FARSB: variants seen among roughly 807,000 people sequenced by gnomAD.
FARSB encodes the protein phenylalanine--tRNA ligase beta subunit.
FARSB carries 40 observed loss-of-function variants against 69.6 expected under a neutral mutation model. The observed-to-expected ratio is 0.57, with a 90% CI of 0.45 to 0.75. FARSB has a LOEUF of 0.75. FARSB is among the 30% of genes least tolerant of loss of function. The pLI, the probability that FARSB is intolerant of heterozygous loss-of-function variation, is 0.00. For missense variants in FARSB, 632 were observed against 722.9 expected (o/e 0.87, Z 1.44); for synonymous variants, 235 against 247.2 (o/e 0.95, Z 0.46).
chr2:222,588,311 C>T (rs548827419), intron 16 of FARSB, among the ~76,000 whole-genome samples: 239 of 152,254 alleles, frequency 1.6e-3, no homozygotes, highest in African/African-American at 5.0e-3. Context: ...AATTTAACAG[C>T]GCTTCATGCT....
At chr2:222,611,446 G>T (rs1234779837) in intron 15 of FARSB, among the ~76,000 whole-genome samples, 3 of 136,066 alleles carry the variant, frequency 2.2e-5, no homozygotes, top group African/African-American at 5.3e-5. Context: ...TTTTTGGGGG[G>T]GCGGGGGGGC....
At chr2:222,637,502 T>A (rs190346660) in intron 5 of FARSB, among the ~76,000 whole-genome samples, 4 of 152,148 alleles carry the variant, frequency 2.6e-5, no homozygotes, top group Admixed American at 1.3e-4. Flanking sequence ...AGGAAAGAAT[T>A]ACTCAACGGA....
chr2:222,602,457 G>T (rs1027847254), intron 15 of FARSB, among the ~76,000 whole-genome samples: 2 of 151,882 alleles, frequency 1.3e-5, no homozygotes, highest in Non-Finnish European at 2.9e-5. Context: ...TACATCTACA[G>T]CAATTAAAAC....
Position 222,650,517 on chromosome 2 carries a change from G to A in FARSB, c.59-1722C>T, listed in dbSNP as rs991238390. On this transcript the variant is annotated intron_variant, in intron 1 of 16. Coordinates refer to ENST00000281828, the MANE Select transcript of FARSB (RefSeq NM_005687.5). ...GTGGAATGTATAAGGCTCGATGGCC[G>A]AATGATGGGAGGTAGGAATAGGGAG... Among the ~76,000 whole-genome samples, 9 of 152,318 alleles carry A rather than the reference G, an allele frequency of 5.9e-5. No homozygotes were observed. In the South Asian group the frequency reaches 6.2e-4, roughly 11 times the overall value.
At chr2:222,605,647 G>C (rs1690686040) in intron 15 of FARSB, among the ~76,000 whole-genome samples, 2 of 152,204 alleles carry the variant, frequency 1.3e-5, no homozygotes, top group African/African-American at 4.8e-5. Context: ...GCCAGGCACA[G>C]TGGCTCAGGC....
At chr2:222,647,913 G>T (rs2106244036) in intron 2 of FARSB, among the ~76,000 whole-genome samples, 1 of 152,244 alleles carries the variant, frequency 6.6e-6, no homozygotes, top group African/African-American at 2.4e-5. Context: ...TCACCTGGAG[G>T]GCTTGGTAAA....
At chr2:222,632,023 G>GATGGTGCAATGGCACGAC (rs536299664) in intron 7 of FARSB, among the ~76,000 whole-genome samples, 6,241 of 151,020 alleles carry the variant, frequency 0.041, 276 homozygotes, top group African/African-American at 0.1. Flanking sequence ...GGTGAGCCGA[G>GATGGTGCAATGGCACGAC]ATGGTGCAAT....
intron 16 of FARSB, among the ~76,000 whole-genome samples, chr2:222,584,677 C>T (rs949264342): frequency 1.8e-4 from 27 of 152,216 alleles, no homozygotes; most frequent in African/African-American, 6.5e-4. Flanking sequence ...TAGCAAACAG[C>T]ACACCAGGAG....
At chr2:222,625,288 A>G (rs1559207971) in intron 10 of FARSB, among the ~76,000 whole-genome samples, 1 of 152,208 alleles carries the variant, frequency 6.6e-6, no homozygotes, top group South Asian at 2.1e-4. Context: ...CAAACAGTAT[A>G]TAACTCCACC....
chr2:222,642,884 C>T lies in FARSB; in HGVS notation c.236G>A (p.Gly79Glu), dbSNP rs773648273. 3.7e-6 allele frequency: 6 copies of T among 1,611,424 alleles called. No individual in the cohort carries two copies. The highest frequency in any genetic ancestry group is 5.1e-6 in the Non-Finnish European group (6 of 1,178,344). ...GAAGACCTGAAGTCCTCGAACCAAT[C>T]CTTCCAGACACAGGAGATCATATCT... is the stretch of plus-strand genomic sequence containing the variant. ...ANRYDLLCLE[G>E]LVRGLQVFKE... is the part of the protein sequence containing the mutation. Residue 79 changes from glycine to glutamate, a missense_variant, in exon 3 of 17, where the codon GGA (glycine) becomes GAA (glutamate). Coordinates refer to ENST00000281828, the MANE Select transcript of FARSB (RefSeq NM_005687.5).
chr2:222,574,870 T>C (rs774392148), intron 16 of FARSB, among the ~76,000 whole-genome samples: 1 of 152,228 alleles, frequency 6.6e-6, no homozygotes, highest in African/African-American at 2.4e-5. Context: ...AAGTTGTCTA[T>C]TGGTACAACA....
At chr2:222,598,831 T>A (rs571583029) in intron 16 of FARSB, among the ~76,000 whole-genome samples, 1 of 152,026 alleles carries the variant, frequency 6.6e-6, no homozygotes, top group Non-Finnish European at 1.5e-5. Context: ...AACTCCAAAA[T>A]CCAGTTCTAA....
intron 16 of FARSB, among the ~76,000 whole-genome samples, chr2:222,594,162 G>T (rs1200470235): frequency 1.3e-5 from 2 of 150,778 alleles, no homozygotes; most frequent in African/African-American, 2.4e-5. Flanking sequence ...AGCTACTTGG[G>T]TAGCTGAAGC....
intron 15 of FARSB, among the ~76,000 whole-genome samples, chr2:222,613,273 A>T (rs1207623966): frequency 6.6e-6 from 1 of 152,252 alleles, no homozygotes; most frequent in Non-Finnish European, 1.5e-5. Flanking sequence ...ATACTAAAGT[A>T]GTTGGGCGCC....
intron 16 of FARSB, among the ~76,000 whole-genome samples, chr2:222,596,227 C>T (rs1301077216): frequency 2.0e-5 from 3 of 152,104 alleles, no homozygotes; most frequent in Non-Finnish European, 4.4e-5. Context: ...AGGACTGCCC[C>T]CTGCATAACA....
At chr2:222,582,817 C>T (rs1574911358) in intron 16 of FARSB, among the ~76,000 whole-genome samples, 1 of 151,416 alleles carries the variant, frequency 6.6e-6, no homozygotes, top group East Asian at 1.9e-4. Context: ...CCCAGCTACT[C>T]GGGAGGCTGA....
At chr2:222,597,484 T>C (rs962260247) in intron 16 of FARSB, among the ~76,000 whole-genome samples, 1 of 152,094 alleles carries the variant, frequency 6.6e-6, no homozygotes, top group African/African-American at 2.4e-5. Context: ...GACATCTACA[T>C]GTTAGGAAAC....
intron 16 of FARSB, 147 bp from the exon 17 acceptor site, chr2:222,572,169 C>G: frequency 4.5e-6 from 3 of 673,266 alleles, no homozygotes; most frequent in South Asian, 2.3e-5. Flanking sequence ...CTCATACTTT[C>G]TAGTATTTAA....
intron 4 of FARSB, among the ~76,000 whole-genome samples, chr2:222,640,257 G>A (rs1428229705): frequency 6.6e-6 from 1 of 152,234 alleles, no homozygotes; most frequent in African/African-American, 2.4e-5. Context: ...TTAGGAGGCT[G>A]TAGGGGAAGG....
Sources: allele counts gnomAD v4.1 joint callset (sites outside exome capture counted in the v4.1 genomes callset), GRCh38; gene constraint gnomAD v4.1.1; transcripts MANE v1.5; gene names NCBI Gene and HGNC (gene_info 2026-07-23, HGNC 2026-07-21).